PARVA: variants seen among roughly 807,000 people sequenced by gnomAD.
PARVA encodes the protein parvin alpha, also known as alpha-parvin.
Under a neutral mutation model 52.6 loss-of-function variants are expected in PARVA, and 25 were observed. The observed-to-expected ratio is 0.48, with a 90% confidence interval of 0.35 to 0.66. The LOEUF is 0.66. Ranked by LOEUF, PARVA falls within the 30% of genes least tolerant of loss-of-function variation. The pLI is 0.01. For synonymous variants in PARVA, 185 were observed against 179.1 expected (o/e 1.03, Z -0.26); for missense variants, 373 against 450.9 (o/e 0.83, Z 1.56).
chr11:12,451,530 CTA>C (rs1211464576), intron 1 of PARVA, among the ~76,000 whole-genome samples: 1 of 151,780 alleles, frequency 6.6e-6, no homozygotes, highest in Non-Finnish European at 1.5e-5. Flanking sequence ...GCAGGTAACT[CTA>C]GACTTTTATA....
chr11:12,457,522 C>T (rs1445870903), intron 1 of PARVA, among the ~76,000 whole-genome samples: 5 of 152,248 alleles, frequency 3.3e-5, no homozygotes, highest in African/African-American at 1.2e-4. Flanking sequence ...TCCTCCATTG[C>T]TGCCTCAGTT....
rs1429011729 is a variant in PARVA at position 12,517,545 on chromosome 11, G to GC, written c.868-60dup. On this transcript the variant is annotated intron_variant, in intron 10 of 12. Coordinates refer to ENST00000334956, the MANE Select transcript of PARVA (RefSeq NM_018222.5). ...GGTGGCATAGCACAGAAGTTGATGGGCCCCCTGGATGGGGATTGGCTGGGA... is the reference window on the plus strand; with the variant it reads ...GGTGGCATAGCACAGAAGTTGATGGGCCCCCCTGGATGGGGATTGGCTGGGA... 10 of 1,199,928 alleles carry GC rather than the reference G, an allele frequency of 8.3e-6. No individual in the cohort carries two copies. In the African/African-American group the frequency reaches 1.4e-4, roughly 16 times the overall value. 74.3% of individuals were successfully genotyped at this position (1,199,928 alleles called of 1,614,324 possible). A position where few individuals can be genotyped will look rare whatever the true frequency, so the allele number is the denominator to read the frequency against.
chr11:12,514,674 A>T (rs1941547250), intron 10 of PARVA, among the ~76,000 whole-genome samples: 1 of 152,120 alleles, frequency 6.6e-6, no homozygotes, highest in South Asian at 2.1e-4. Context: ...TTTAGTAGAG[A>T]CGGGGTTTCA....
At position 12,402,284 on chromosome 11, in the gene PARVA, A is replaced by T. The variant is rs1339514506; in HGVS notation, c.136+24501A>T. Reference sequence around the variant, plus strand: ...GGCCTCAGCAGAAACTGTGGCCCTCAGAAGAGCAAAACCATAACTGCCAAT... The same window carrying T: ...GGCCTCAGCAGAAACTGTGGCCCTCTGAAGAGCAAAACCATAACTGCCAAT... On this transcript the variant is annotated intron_variant, in intron 1 of 12. Transcript: ENST00000334956. 2.6e-5 allele frequency among the ~76,000 whole-genome samples: 4 copies of T among 152,228 alleles called. No homozygotes were observed. In the East Asian group the frequency reaches 7.7e-4, roughly 29 times the overall value.
Position 12,453,223 on chromosome 11 carries a change from T to TG in PARVA, c.137-20516dup, listed in dbSNP as rs553148738. Among the ~76,000 whole-genome samples, 747 of 151,060 alleles carry TG rather than the reference T, an allele frequency of 4.9e-3. 3 individuals are homozygous for TG. Among genetic ancestry groups the TG allele is most frequent in the Non-Finnish European group, 6.5e-3 (438 of 67,786 alleles). On this transcript the variant is annotated intron_variant, in intron 1 of 12. Transcript: ENST00000334956. ...GTGGCTCTGTTGTTAGAGGTAGCTA[T>TG]GGGGGGTAGGTGGGGGTGTCTGATA...
chr11:12,504,263 C>T, intron 5 of PARVA, 51 bp from the exon 6 acceptor site: 1 of 1,045,008 alleles, frequency 9.6e-7, no homozygotes, highest in Non-Finnish European at 1.5e-6. Flanking sequence ...GCTTATATTG[C>T]CTAGAACCTG....
intron 1 of PARVA, among the ~76,000 whole-genome samples, chr11:12,428,463 G>A (rs1940269415): frequency 6.6e-6 from 1 of 152,206 alleles, no homozygotes; most frequent in Non-Finnish European, 1.5e-5. Flanking sequence ...CCTGAGGACT[G>A]AGATGACCAA....
chr11:12,521,653 G>A (rs1941637900), intron 12 of PARVA, among the ~76,000 whole-genome samples: 2 of 151,988 alleles, frequency 1.3e-5, no homozygotes, highest in African/African-American at 4.8e-5. Context: ...ATTAAATTTA[G>A]GGTCTTGAGA....
chr11:12,507,307 G>A (rs1228962422), intron 6 of PARVA, among the ~76,000 whole-genome samples: 1 of 152,248 alleles, frequency 6.6e-6, no homozygotes, highest in African/African-American at 2.4e-5. Context: ...TTGGTCAATC[G>A]CTTGCTATGT....
At chr11:12,514,915 G>A (rs1044960962) in intron 10 of PARVA, among the ~76,000 whole-genome samples, 5 of 152,178 alleles carry the variant, frequency 3.3e-5, no homozygotes, top group African/African-American at 7.2e-5. Context: ...TCTTTTTAAC[G>A]TAGAACAACT....
chr11:12,443,415 C>G (rs1940498180), intron 1 of PARVA, among the ~76,000 whole-genome samples: 2 of 151,844 alleles, frequency 1.3e-5, no homozygotes, highest in Non-Finnish European at 2.9e-5. Context: ...CATGATCCGC[C>G]CACCTTGGCC....
Position 12,530,023 on chromosome 11 carries a change from A to G in PARVA, c.*2098A>G, listed in dbSNP as rs568104631. The G allele has an allele frequency of 1.3e-5, 2 of 152,324 alleles. No individual in the cohort carries two copies. The highest frequency in any genetic ancestry group is 4.8e-5 in the African/African-American group (2 of 41,580). 9.4% of individuals were successfully genotyped at this position (152,324 alleles called of 1,614,324 possible). A position where few individuals can be genotyped will look rare whatever the true frequency, so the allele number is the denominator to read the frequency against. ...GTAAGAGGAATGCATTCATTTAAAC[A>G]TGCTTTGCTTTATGAATTTTGTCTC... On this transcript the variant is annotated 3_prime_UTR_variant, in exon 13 of 13. Coordinates refer to ENST00000334956, the MANE Select transcript of PARVA (RefSeq NM_018222.5).
chr11:12,526,947 A>G (rs1000744151), intron 12 of PARVA, among the ~76,000 whole-genome samples: 1 of 152,022 alleles, frequency 6.6e-6, no homozygotes, highest in African/African-American at 2.4e-5. Flanking sequence ...GGATGAAGGG[A>G]GGAAGGGCTA....
chr11:12,527,861 G>A lies in PARVA; in HGVS notation c.1055G>A (p.Cys352Tyr), dbSNP rs371222319. ...PKPRPEDIVN[C>Y]DLKSTLRVLY... ...GTTTTCTACGCAGACATAGTCAACT[G>A]TGACCTGAAATCTACACTACGAGTG... The change falls in exon 13 of 13, where the codon TGT (cysteine) becomes TAT (tyrosine). Residue 352 changes from cysteine to tyrosine, a missense_variant. Transcript: ENST00000334956. The A allele has an allele frequency of 2.5e-5, 41 of 1,612,902 alleles. No individual in the cohort carries two copies. Among genetic ancestry groups the A allele is most frequent in the Middle Eastern group, 1.7e-4 (1 of 5,952 alleles).
intron 10 of PARVA, 108 bp downstream of exon 10, chr11:12,514,173 G>T (rs1941539708): frequency 1.0e-5 from 8 of 791,414 alleles, no homozygotes; most frequent in Middle Eastern, 2.9e-4. Flanking sequence ...TGAGGGGGAT[G>T]AGGGCATGGG....
chr11:12,433,624 C>G (rs1179704053), intron 1 of PARVA, among the ~76,000 whole-genome samples: 1 of 152,156 alleles, frequency 6.6e-6, no homozygotes, highest in Non-Finnish European at 1.5e-5. Context: ...GTTTCACCGG[C>G]AGCCGGCCTA....
intron 1 of PARVA, among the ~76,000 whole-genome samples, chr11:12,417,130 G>A (rs1940077724): frequency 6.6e-6 from 1 of 152,156 alleles, no homozygotes; most frequent in Non-Finnish European, 1.5e-5. Context: ...TGATTAGGGA[G>A]ATTTATGCAT....
In PARVA at chr11:12,530,380, A is replaced by ATCTT. The variant is rs1941757684; in HGVS notation, c.*2457_*2460dup. On this transcript the variant is annotated 3_prime_UTR_variant, in exon 13 of 13. Transcript: ENST00000334956. ...AATAAATAAAACAAACTTAATCTTC[A>ATCTT]TCTTTAAAAAAAAGAAAAAAGAAAC... The ATCTT allele has an allele frequency of 6.6e-6, 1 of 152,164 alleles. No homozygotes were observed. Among genetic ancestry groups the ATCTT allele is most frequent in the Non-Finnish European group, 1.5e-5 (1 of 68,038 alleles). 9.4% of individuals were successfully genotyped at this position (152,164 alleles called of 1,614,324 possible).
intron 1 of PARVA, among the ~76,000 whole-genome samples, chr11:12,468,637 A>G (rs2135030882): frequency 6.6e-6 from 1 of 152,288 alleles, no homozygotes; most frequent in East Asian, 1.9e-4. Flanking sequence ...TGTATCTCCT[A>G]TAACAAGACA....
Sources: allele counts gnomAD v4.1 joint callset (sites outside exome capture counted in the v4.1 genomes callset), GRCh38; gene constraint gnomAD v4.1.1; transcripts MANE v1.5; gene names NCBI Gene and HGNC (gene_info 2026-07-23, HGNC 2026-07-21).